GBE1: variants seen among roughly 807,000 people sequenced by gnomAD.
The protein encoded by GBE1 is 1,4-alpha-glucan-branching enzyme.
Under a neutral mutation model 88.8 loss-of-function variants are expected in GBE1, and 70 were observed. That is an observed-to-expected ratio of 0.79 (90% CI 0.65 to 0.96). The LOEUF (loss-of-function observed/expected upper bound fraction) is 0.96. Ranked by LOEUF, GBE1 falls within the 40% of genes least tolerant of loss-of-function variation. The probability of loss-of-function intolerance (pLI) is 0.00; values close to 1 mark genes in which losing one functional copy is unlikely to be tolerated. For missense variants in GBE1, 872 were observed against 871.0 expected, an observed-to-expected ratio of 1.00 and a Z score of -0.01; for synonymous variants, 284 against 300.1, an observed-to-expected ratio of 0.95 and a Z score of 0.56.
At chr3:81,550,341 T>C (rs1395714844) in intron 12 of GBE1, among the ~76,000 whole-genome samples, 2 of 151,356 alleles carry the variant, frequency 1.3e-5, no homozygotes, top group Non-Finnish European at 3.0e-5. Flanking sequence ...AGCTCCTCTC[T>C]ACCCTGAATG....
intron 11 of GBE1, among the ~76,000 whole-genome samples, chr3:81,578,489 T>C (rs1038186384): frequency 1.3e-5 from 2 of 151,148 alleles, no homozygotes; most frequent in African/African-American, 2.4e-5. Context: ...GAAAGAAGTT[T>C]CTGAAAAATC....
chr3:81,530,883 C>A (rs1399528615), intron 14 of GBE1, among the ~76,000 whole-genome samples: 1 of 151,844 alleles, frequency 6.6e-6, no homozygotes, highest in African/African-American at 2.4e-5. Flanking sequence ...TGCATCCTGC[C>A]AGGCCTGGGT....
intron 3 of GBE1, 38 bp from the exon 4 acceptor site, chr3:81,649,959 T>C (rs752256618): frequency 2.0e-5 from 30 of 1,532,156 alleles, no homozygotes; most frequent in Non-Finnish European, 2.6e-5. Context: ...TTAAAATACA[T>C]CCAGAACTCT....
chr3:81,754,454 A>G (rs1251527812), intron 1 of GBE1, among the ~76,000 whole-genome samples: 1 of 152,020 alleles, frequency 6.6e-6, no homozygotes, highest in Non-Finnish European at 1.5e-5. Flanking sequence ...GAAATATAAA[A>G]ATAAATCCTA....
chr3:81,517,521 A>C (rs368668740), intron 14 of GBE1, among the ~76,000 whole-genome samples: 28 of 151,538 alleles, frequency 1.8e-4, no homozygotes, highest in African/African-American at 6.8e-4. Flanking sequence ...GCCTTCTTCC[A>C]TATTTGCAGT....
chr3:81,707,614 A>G (rs983779545), intron 1 of GBE1, among the ~76,000 whole-genome samples: 1 of 152,050 alleles, frequency 6.6e-6, no homozygotes, highest in African/African-American at 2.4e-5. Context: ...TATATTAAAA[A>G]AAGGCATGAG....
chr3:81,644,993 T>C (rs1033366870), intron 6 of GBE1, among the ~76,000 whole-genome samples: 2 of 152,126 alleles, frequency 1.3e-5, no homozygotes, highest in African/African-American at 4.8e-5. Context: ...TTAGAGAAGA[T>C]GGCAGGGGGA....
At chr3:81,654,477 T>C (rs1350942278) in intron 3 of GBE1, 1 of 152,176 alleles carries the variant, frequency 6.6e-6, no homozygotes, top group Non-Finnish European at 1.5e-5. Flanking sequence ...GTTCAGCTGG[T>C]TAGAAGTAAC....
intron 5 of GBE1, 120 bp from the exon 6 acceptor site, chr3:81,646,602 C>T (rs969404441): frequency 3.2e-6 from 2 of 621,422 alleles, no homozygotes; most frequent in African/African-American, 1.9e-5. Context: ...AAGCTTTGGT[C>T]GTCTTGAAAA....
intron 1 of GBE1, among the ~76,000 whole-genome samples, chr3:81,735,709 C>G (rs769696735): frequency 1.6e-4 from 24 of 152,194 alleles, no homozygotes; most frequent in African/African-American, 5.8e-4. Flanking sequence ...TTTAGGAAAG[C>G]CTTGGAAGAT....
intron 12 of GBE1, among the ~76,000 whole-genome samples, chr3:81,542,750 A>G (rs1005324290): frequency 1.3e-5 from 2 of 152,148 alleles, no homozygotes; most frequent in South Asian, 4.1e-4. Flanking sequence ...ATTGGGTACT[A>G]TGTTCACCAC....
At position 81,690,263 on chromosome 3, in the gene GBE1, C is replaced by T. The variant is rs369676273; in HGVS notation, c.313+15181G>A. 5.9e-5 allele frequency among the ~76,000 whole-genome samples: 9 copies of T among 152,322 alleles called. No individual in the cohort carries two copies. In the East Asian group the frequency reaches 1.5e-3, roughly 26 times the overall value. The stretch of plus-strand genomic sequence containing the variant: ...TCAACACCAACCAAAGTCATATGTT[C>T]ATCCCCTCAGCGCTAACACTGTGTG... On this transcript the variant is annotated intron_variant, in intron 2 of 15. Coordinates refer to ENST00000429644, the MANE Select transcript of GBE1 (RefSeq NM_000158.4).
intron 3 of GBE1, among the ~76,000 whole-genome samples, chr3:81,657,017 G>A (rs372702537): frequency 1.1e-4 from 17 of 151,752 alleles, no homozygotes; most frequent in South Asian, 1.0e-3. Flanking sequence ...TTAGCCAGGC[G>A]TGGTAGCAGG....
rs71633685 is a variant in GBE1, at chr3:81,604,282, C to CTTTTTTTTTTTTTTTTTTTTT, written c.993-10260_993-10259insAAAAAAAAAAAAAAAAAAAAA. Among the ~76,000 whole-genome samples the CTTTTTTTTTTTTTTTTTTTTT allele has an allele frequency of 1.8e-5, 2 of 112,616 alleles. 1 individual carries two copies. The highest frequency in any genetic ancestry group is 3.4e-5 in the Non-Finnish European group (2 of 58,904). The allele number at this position is 112,616 out of a possible 152,430, so 73.9% of individuals were successfully genotyped here. A position where few individuals can be genotyped will look rare whatever the true frequency, so the allele number is the denominator to read the frequency against. The stretch of plus-strand genomic sequence containing the variant: ...TAAAATATTAACTTTTCTTTTCTTT[C>CTTTTTTTTTTTTTTTTTTTTT]TTTCTTTTTTTTTTTTTTTTTTTGA... On this transcript the variant is annotated intron_variant, in intron 7 of 15. Coordinates refer to ENST00000429644, the MANE Select transcript of GBE1 (RefSeq NM_000158.4).
chr3:81,728,617 C>T (rs1706143533), intron 1 of GBE1, among the ~76,000 whole-genome samples: 1 of 151,340 alleles, frequency 6.6e-6, no homozygotes, highest in South Asian at 2.1e-4. Context: ...AAAATATATT[C>T]TAATTACTAC....
intron 7 of GBE1, among the ~76,000 whole-genome samples, chr3:81,629,027 T>TTG (rs1222137986): frequency 6.9e-6 from 1 of 144,078 alleles, no homozygotes; most frequent in African/African-American, 2.6e-5. Flanking sequence ...AGTTTTTTTT[T>TTG]TTTTTTTTTT....
Position 81,631,008 on chromosome 3 carries a change from G to C in GBE1, c.992+11773C>G, listed in dbSNP as rs1443783929. 1.7e-4 allele frequency among the ~76,000 whole-genome samples: 26 copies of C among 152,048 alleles called. 1 individual carries two copies. The highest frequency in any genetic ancestry group is 2.4e-5 in the African/African-American group (1 of 41,408). On this transcript the variant is annotated intron_variant, in intron 7 of 15. Coordinates refer to ENST00000429644, the MANE Select transcript of GBE1 (RefSeq NM_000158.4). ...ACTTGAGCTCTGGAGGTGGAGACCA[G>C]CCTGGGCAACATAGGAAGGCCCCAT...
intron 3 of GBE1, among the ~76,000 whole-genome samples, chr3:81,660,639 A>G (rs1460049025): frequency 1.3e-5 from 2 of 152,086 alleles, no homozygotes; most frequent in Non-Finnish European, 2.9e-5. Flanking sequence ...TTTCAATTTG[A>G]GCACTAGTCA....
At chr3:81,498,926 T>C (rs558714029) in intron 15 of GBE1, among the ~76,000 whole-genome samples, 184 bp downstream of exon 15, 1 of 152,128 alleles carries the variant, frequency 6.6e-6, no homozygotes, top group East Asian at 1.9e-4. Flanking sequence ...TACTATTAGT[T>C]TTTCCAAAAC....
Sources: allele counts gnomAD v4.1 joint callset (sites outside exome capture counted in the v4.1 genomes callset), GRCh38; gene constraint gnomAD v4.1.1; transcripts MANE v1.5; gene names NCBI Gene and HGNC (gene_info 2026-07-23, HGNC 2026-07-21).